Variants in CACHD1 observed in about 807,000 individuals in gnomAD.
The protein encoded by CACHD1 is cache domain containing 1.
Under a neutral mutation model 138.7 loss-of-function variants are expected in CACHD1, and 71 were observed. The observed-to-expected ratio is 0.51, with a 90% CI of 0.42 to 0.62. The LOEUF (loss-of-function observed/expected upper bound fraction) is 0.62. Ranked by LOEUF, CACHD1 falls within the 20% of genes least tolerant of loss-of-function variation. CACHD1 has a pLI of 0.00. For synonymous variants in CACHD1, 578 were observed against 591.5 expected, an observed-to-expected ratio of 0.98 and a Z score of 0.33; for missense variants, 1,389 against 1,625.3, an observed-to-expected ratio of 0.85 and a Z score of 2.50.
At chr1:64,553,000 C>T (rs981735865) in intron 2 of CACHD1, among the ~76,000 whole-genome samples, 2 of 149,846 alleles carry the variant, frequency 1.3e-5, no homozygotes, top group East Asian at 3.9e-4. Context: ...CCACTCCATC[C>T]TCTGGAAGAA....
At chr1:64,559,647 AT>A (rs1259818874) in intron 2 of CACHD1, among the ~76,000 whole-genome samples, 1 of 151,774 alleles carries the variant, frequency 6.6e-6, no homozygotes, top group Non-Finnish European at 1.5e-5. Flanking sequence ...CAAACCTAAA[AT>A]TAAAAAAACA....
chr1:64,626,607 T>C (rs1179819681), intron 4 of CACHD1, among the ~76,000 whole-genome samples: 1 of 152,220 alleles, frequency 6.6e-6, no homozygotes, highest in African/African-American at 2.4e-5. Flanking sequence ...TCTCTGTAGT[T>C]ACCCTGCTGT....
intron 3 of CACHD1, among the ~76,000 whole-genome samples, chr1:64,596,526 G>A (rs957945240): frequency 1.3e-5 from 2 of 152,280 alleles, no homozygotes; most frequent in Non-Finnish European, 2.9e-5. Flanking sequence ...AGCTACTGGT[G>A]AAGGGTTTTT....
intron 1 of CACHD1, among the ~76,000 whole-genome samples, chr1:64,545,241 A>T (rs745416266): frequency 2.0e-5 from 3 of 152,266 alleles, no homozygotes; most frequent in Non-Finnish European, 4.4e-5. Flanking sequence ...GAAGCATAGC[A>T]TACAGAAGAA....
chr1:64,683,581 T>A (rs1410135290), intron 26 of CACHD1, among the ~76,000 whole-genome samples: 2 of 152,202 alleles, frequency 1.3e-5, no homozygotes, highest in Non-Finnish European at 2.9e-5. Flanking sequence ...AAATGGCATA[T>A]GAAGCAACAG....
chr1:64,610,047 A>G (rs1647473133), intron 4 of CACHD1, among the ~76,000 whole-genome samples: 1 of 152,152 alleles, frequency 6.6e-6, no homozygotes, highest in South Asian at 2.1e-4. Context: ...GTGAAGAGTG[A>G]AGCAGGGAGG....
At chr1:64,516,392 T>G (rs1201901188) in intron 1 of CACHD1, among the ~76,000 whole-genome samples, 5 of 152,210 alleles carry the variant, frequency 3.3e-5, no homozygotes, top group Admixed American at 1.3e-4. Context: ...CTGCCTCATC[T>G]CTAGACTTGG....
intron 6 of CACHD1, 135 bp downstream of exon 6, chr1:64,632,878 T>G: frequency 9.2e-7 from 1 of 1,088,536 alleles, no homozygotes; most frequent in East Asian, 2.5e-5. Context: ...CCATCATAAG[T>G]TGAAAATGCA....
At chr1:64,686,414 T>C (rs116152086) in intron 26 of CACHD1, among the ~76,000 whole-genome samples, 1,775 of 152,316 alleles carry the variant, frequency 0.012, 50 homozygotes, top group African/African-American at 0.04. Context: ...ATTTCGTTTT[T>C]CAAAAGAATC....
chr1:64,602,449 T>TAACA (rs1647226700), intron 3 of CACHD1, among the ~76,000 whole-genome samples: 1 of 148,796 alleles, frequency 6.7e-6, no homozygotes, highest in Non-Finnish European at 1.5e-5. Context: ...GTTTTACATG[T>TAACA]AACATCAGAG....
chr1:64,590,103 C>T (rs928706509), intron 3 of CACHD1, among the ~76,000 whole-genome samples: 1 of 152,014 alleles, frequency 6.6e-6, no homozygotes, highest in Admixed American at 6.5e-5. Flanking sequence ...GTCAGGAGAT[C>T]GAGATCATCC....
intron 2 of CACHD1, among the ~76,000 whole-genome samples, chr1:64,555,004 T>A (rs1016487646): frequency 6.6e-6 from 1 of 152,160 alleles, no homozygotes; most frequent in African/African-American, 2.4e-5. Flanking sequence ...TTTTGTTTGG[T>A]TTTGAGATAG....
intron 2 of CACHD1, among the ~76,000 whole-genome samples, chr1:64,572,941 T>C (rs567782840): frequency 2.4e-4 from 36 of 152,352 alleles, no homozygotes; most frequent in African/African-American, 8.7e-4. Flanking sequence ...TCATCTATCT[T>C]GTCCTGTATC....
intron 13 of CACHD1, among the ~76,000 whole-genome samples, chr1:64,661,650 C>T (rs1649447013): frequency 6.6e-6 from 1 of 152,090 alleles, no homozygotes; most frequent in Non-Finnish European, 1.5e-5. Context: ...TCAGGAACTA[C>T]CCTCTCTCTT....
At chr1:64,634,421 C>G (rs999631445) in intron 7 of CACHD1, among the ~76,000 whole-genome samples, 161 bp downstream of exon 7, 5 of 151,584 alleles carry the variant, frequency 3.3e-5, no homozygotes, top group Non-Finnish European at 7.4e-5. Flanking sequence ...GAGTCTTGCT[C>G]TGTCCAAGCT....
intron 4 of CACHD1, among the ~76,000 whole-genome samples, chr1:64,621,298 T>C (rs1647903767): frequency 1.3e-5 from 2 of 152,144 alleles, no homozygotes; most frequent in African/African-American, 4.8e-5. Context: ...GGACATTCCA[T>C]ATATATGGTC....
At chr1:64,550,737 C>T in intron 2 of CACHD1, 81 bp downstream of exon 2, 2 of 895,750 alleles carry the variant, frequency 2.2e-6, no homozygotes, top group Admixed American at 2.0e-5. Context: ...CAAGCAATCT[C>T]CACTTGAGGT....
At chr1:64,527,640 G>A (rs1438416279) in intron 1 of CACHD1, among the ~76,000 whole-genome samples, 2 of 152,136 alleles carry the variant, frequency 1.3e-5, no homozygotes, top group African/African-American at 4.8e-5. Flanking sequence ...TTTTCCTAAC[G>A]ATTATAGTTT....
intron 17 of CACHD1, among the ~76,000 whole-genome samples, chr1:64,672,849 A>C (rs1490263302): frequency 1.3e-5 from 2 of 152,140 alleles, no homozygotes; most frequent in Non-Finnish European, 2.9e-5. Context: ...CCATTCATAC[A>C]TCTTTGCAAA....
Sources: allele counts gnomAD v4.1 joint callset (sites outside exome capture counted in the v4.1 genomes callset), GRCh38; gene constraint gnomAD v4.1.1; transcripts MANE v1.5; gene names NCBI Gene and HGNC (gene_info 2026-07-23, HGNC 2026-07-21).